The following ARIH2 variants were observed in gnomAD, a reference collection of about 807,000 sequenced individuals.
ARIH2 encodes the protein E3 ubiquitin-protein ligase ARIH2.
ARIH2 carries 12 observed loss-of-function variants against 79.8 expected under a neutral mutation model. The observed-to-expected ratio is 0.15, with a 90% CI of 0.10 to 0.24. The LOEUF (loss-of-function observed/expected upper bound fraction) is 0.24. ARIH2 is among the 10% of genes least tolerant of loss of function. The pLI is 1.00. For synonymous variants in ARIH2, 224 were observed against 213.9 expected, an observed-to-expected ratio of 1.05 and a Z score of -0.41; for missense variants, 301 against 618.3, an observed-to-expected ratio of 0.49 and a Z score of 5.44.
intron 14 of ARIH2, 82 bp downstream of exon 14, chr3:48,981,810 A>C: frequency 8.4e-7 from 1 of 1,196,924 alleles, no homozygotes; most frequent in Non-Finnish European, 1.2e-6. Context: ...GAGAGTGAGG[A>C]CCAGACCTTG....
intron 3 of ARIH2, among the ~76,000 whole-genome samples, chr3:48,939,625 G>T (rs1046914346): frequency 5.9e-5 from 9 of 151,330 alleles, no homozygotes; most frequent in Non-Finnish European, 2.9e-5. Flanking sequence ...GGGTGTGGTG[G>T]TGGGCGCCTG....
At chr3:48,953,757 C>A (rs184428765) in intron 3 of ARIH2, among the ~76,000 whole-genome samples, 2 of 151,762 alleles carry the variant, frequency 1.3e-5, no homozygotes, top group Non-Finnish European at 2.9e-5. Context: ...AGCGTAGTGG[C>A]GTGATCATGG....
chr3:48,983,817 T>C lies in ARIH2; in HGVS notation c.*547T>C. 1 of 158,326 alleles carries C rather than the reference T, an allele frequency of 6.3e-6. No homozygotes were observed. Among genetic ancestry groups the C allele is most frequent in the Non-Finnish European group, 1.4e-5 (1 of 71,894 alleles). The allele number at this position is 158,326 out of a possible 1,614,324, so 9.8% of individuals were successfully genotyped here. A position where few individuals can be genotyped will look rare whatever the true frequency, so the allele number is the denominator to read the frequency against. On this transcript the variant is annotated 3_prime_UTR_variant, in exon 16 of 16. Transcript: ENST00000356401. ...TTGTAGTCCCAAAGAAGAGCATGGG[T>C]GGCAGATGGTAGGGAATTGAACTGG... is the stretch of plus-strand genomic sequence containing the variant.
intron 3 of ARIH2, chr3:48,934,235 C>T: frequency 4.2e-6 from 2 of 477,764 alleles, no homozygotes; most frequent in Non-Finnish European, 5.5e-6. Flanking sequence ...GTGTTCATAA[C>T]AACAAAATAC....
At chr3:48,945,646 C>T (rs2089015847) in intron 3 of ARIH2, among the ~76,000 whole-genome samples, 1 of 152,098 alleles carries the variant, frequency 6.6e-6, no homozygotes, top group Non-Finnish European at 1.5e-5. Flanking sequence ...TCAGGGGACT[C>T]AAATGTTTGT....
chr3:48,976,148 G>A (rs1029490661), intron 11 of ARIH2, among the ~76,000 whole-genome samples: 2 of 151,124 alleles, frequency 1.3e-5, no homozygotes, highest in African/African-American at 4.9e-5. Context: ...TTGACCTCAG[G>A]TGATCCGCCT....
At chr3:48,977,388 C>T (rs2092566385) in intron 11 of ARIH2, among the ~76,000 whole-genome samples, 2 of 151,880 alleles carry the variant, frequency 1.3e-5, no homozygotes, top group African/African-American at 2.4e-5. Context: ...TCACTGCAAC[C>T]TCCACCTCCC....
At chr3:48,957,650 A>G (rs760894477) in intron 3 of ARIH2, among the ~76,000 whole-genome samples, 11 of 152,192 alleles carry the variant, frequency 7.2e-5, no homozygotes, top group Admixed American at 1.3e-4. Flanking sequence ...GTATGAGAAG[A>G]AAGAAAAGGT....
chr3:48,934,801 G>T (rs1241813403), intron 3 of ARIH2: 1 of 985,412 alleles, frequency 1.0e-6, no homozygotes, highest in East Asian at 1.1e-4. Context: ...TGTCATCGCT[G>T]TGTACCTGAT....
chr3:48,919,711 C>T (rs552690726), intron 1 of ARIH2, among the ~76,000 whole-genome samples: 1 of 152,234 alleles, frequency 6.6e-6, no homozygotes, highest in South Asian at 2.1e-4. Flanking sequence ...TTTAAATAAC[C>T]ACATGTGGCT....
In ARIH2 at chr3:48,974,989, A is replaced by G; in HGVS notation, c.961+10A>G. On this transcript the variant is annotated intron_variant, in intron 11 of 15. Coordinates refer to ENST00000356401, the MANE Select transcript of ARIH2 (RefSeq NM_006321.4). ...TCCAAATGTAAACACGGTGAGTTCC[A>G]AGCTTGGTGTGTAAGGCCCAGTGGC... 1.9e-6 allele frequency: 3 copies of G among 1,614,178 alleles called. No homozygotes were observed. Among genetic ancestry groups the G allele is most frequent in the Non-Finnish European group, 2.5e-6 (3 of 1,180,046 alleles).
At position 48,927,468 on chromosome 3, in the gene ARIH2, A is replaced by G. The variant is rs1559715452; in HGVS notation, c.-91A>G. ...TTTTTTTTTCCTCCCTTAGAAGACA[A>G]AAATACTAATGCATTTGAGAAAGCG... On this transcript the variant is annotated 5_prime_UTR_variant, in exon 3 of 16. Transcript: ENST00000356401. The G allele has an allele frequency of 8.0e-6, 12 of 1,500,734 alleles. No individual in the cohort carries two copies. The highest frequency in any genetic ancestry group is 1.1e-5 in the Non-Finnish European group (12 of 1,115,042). 93.0% of individuals were successfully genotyped at this position (1,500,734 alleles called of 1,614,324 possible).
intron 1 of ARIH2, chr3:48,922,329 C>T (rs1213985139): frequency 3.4e-5 from 5 of 145,828 alleles, no homozygotes; most frequent in African/African-American, 1.3e-4. Context: ...TTTTTTGAGA[C>T]GAATTTTCTT....
At chr3:48,927,376 G>A in intron 2 of ARIH2, 86 bp from the exon 3 acceptor site, 1 of 676,366 alleles carries the variant, frequency 1.5e-6, no homozygotes, top group South Asian at 2.0e-5. Context: ...TTAGGGCCAG[G>A]ACTGTCCCAT....
chr3:48,969,808 A>G (rs998216388), intron 7 of ARIH2, among the ~76,000 whole-genome samples: 1 of 151,466 alleles, frequency 6.6e-6, no homozygotes, highest in Non-Finnish European at 1.5e-5. Flanking sequence ...GGGTCTTGTC[A>G]TGCACATGCC....
chr3:48,939,159 G>C (rs1232328863), intron 3 of ARIH2, among the ~76,000 whole-genome samples: 4 of 151,950 alleles, frequency 2.6e-5, no homozygotes, highest in Non-Finnish European at 5.9e-5. Flanking sequence ...GTAGAGGTGG[G>C]GTTTCACCAT....
intron 6 of ARIH2, 43 bp downstream of exon 6, chr3:48,967,318 T>A: frequency 6.3e-7 from 1 of 1,593,560 alleles, no homozygotes; most frequent in Non-Finnish European, 8.6e-7. Flanking sequence ...CATGAAGTGT[T>A]TATCTTTGAC....
intron 3 of ARIH2, among the ~76,000 whole-genome samples, chr3:48,960,444 C>G (rs1242058016): frequency 1.3e-5 from 2 of 150,180 alleles, no homozygotes; most frequent in Non-Finnish European, 3.0e-5. Flanking sequence ...AACCGTAGTG[C>G]AGCTCATTAT....
intron 3 of ARIH2, among the ~76,000 whole-genome samples, chr3:48,949,428 A>G (rs2089669037): frequency 6.6e-6 from 1 of 152,190 alleles, no homozygotes. Flanking sequence ...TTTAAGAAAT[A>G]AACTGTTTTC....
Sources: allele counts gnomAD v4.1 joint callset (sites outside exome capture counted in the v4.1 genomes callset), GRCh38; gene constraint gnomAD v4.1.1; transcripts MANE v1.5; gene names NCBI Gene and HGNC (gene_info 2026-07-23, HGNC 2026-07-21).